Variants in SOX30 observed in about 807,000 individuals in gnomAD.
The protein encoded by SOX30 is SRY-box transcription factor 30, also known as transcription factor SOX-30.
Under a neutral mutation model 58.6 loss-of-function variants are expected in SOX30, and 17 were observed. The ratio of observed to expected loss-of-function variants is 0.29; its 90% CI spans 0.20 to 0.44. The LOEUF is 0.44. SOX30 is among the 20% of genes least tolerant of loss of function. SOX30 has a pLI of 1.00. For synonymous variants in SOX30, 421 were observed against 400.2 expected, an observed-to-expected ratio of 1.05 and a Z score of -0.62; for missense variants, 951 against 965.8, an observed-to-expected ratio of 0.98 and a Z score of 0.20.
Position 157,650,998 on chromosome 5 carries a change from A to T in SOX30, c.967+114T>A, listed in dbSNP as rs1463261676. On this transcript the variant is annotated intron_variant, in intron 1 of 4. Coordinates refer to ENST00000265007, the MANE Select transcript of SOX30 (RefSeq NM_178424.2). The stretch of plus-strand genomic sequence containing the variant: ...ATACCTGTGCAGACTCTGCCCTGAA[A>T]ACAATCAGTTCCATTACTTTACTTT... 41 of 801,538 alleles carry T rather than the reference A, an allele frequency of 5.1e-5. No homozygotes were observed. In the East Asian group the frequency reaches 1.0e-3, roughly 20 times the overall value. The allele number at this position is 801,538 out of a possible 1,614,324, so 49.7% of individuals were successfully genotyped here.
rs747207842 is a variant in SOX30, at chr5:157,651,683, C to T, written c.396G>A (p.Ala132=). Residue 132 remains alanine, a synonymous_variant, in exon 1 of 5, where the codon GCG becomes GCA. Coordinates refer to ENST00000265007, the MANE Select transcript of SOX30 (RefSeq NM_178424.2). The part of the protein sequence containing the change: ...RPELHPVQPL[A]LHVKAKKQKL... ...TCTGCTTCTTGGCCTTGACATGCAG[C>T]GCCAGGGGCTGCACCGGGTGCAACT... 1.9e-6 allele frequency: 3 copies of T among 1,604,612 alleles called. 1 individual carries two copies. The highest frequency in any genetic ancestry group is 2.5e-6 in the Non-Finnish European group (3 of 1,176,590).
intron 2 of SOX30, among the ~76,000 whole-genome samples, chr5:157,665,600 A>G (rs1561591400): frequency 6.7e-6 from 1 of 149,008 alleles, no homozygotes; most frequent in Admixed American, 6.7e-5. Context: ...AAGTATAATA[A>G]AAAATAAAAT....
chr5:157,668,844 G>A (rs1468562934), intron 1 of SOX30, among the ~76,000 whole-genome samples: 1 of 152,202 alleles, frequency 6.6e-6, no homozygotes, highest in East Asian at 1.9e-4. Flanking sequence ...ATGGGTGACT[G>A]AGCCTGGGAG....
At chr5:157,658,529 A>G (rs898261644) in intron 2 of SOX30, among the ~76,000 whole-genome samples, 1 of 152,202 alleles carries the variant, frequency 6.6e-6, no homozygotes, top group Non-Finnish European at 1.5e-5. Context: ...AATCTTCCAG[A>G]TATCACCTTT....
At chr5:157,668,739 T>C (rs1759714438) in intron 1 of SOX30, among the ~76,000 whole-genome samples, 1 of 152,244 alleles carries the variant, frequency 6.6e-6, no homozygotes, top group South Asian at 2.1e-4. Context: ...TGGTTCACTC[T>C]GATCTTGGGC....
At chr5:157,652,445 G>T, upstream of SOX30, 1 of 987,524 alleles carries the variant, frequency 1.0e-6, no homozygotes, top group Non-Finnish European at 1.2e-6. Flanking sequence ...CAATGGCGTT[G>T]CCCAGGAAAC....
rs1758665130 is a variant in SOX30, at chr5:157,626,694, A to G, written c.1908T>C (p.Phe636=). The stretch of plus-strand genomic sequence containing the variant: ...TTGAACTCGGAAAATTTCCATAGCC[A>G]AAGGGAGGCCGACTGTAAGGGCATG... ...SSTCPYSRPP[F]GYGNFPSSMP... Residue 636 remains phenylalanine (F), a synonymous_variant, in exon 5 of 5, where the codon TTT becomes TTC. Coordinates refer to ENST00000265007, the MANE Select transcript of SOX30 (RefSeq NM_178424.2). 1 of 1,611,406 alleles carries G rather than the reference A, an allele frequency of 6.2e-7. No individual in the cohort carries two copies. Among genetic ancestry groups the G allele is most frequent in the African/African-American group, 1.3e-5 (1 of 74,766 alleles).
At chr5:157,627,993 C>CAA (rs1169422272) in intron 4 of SOX30, among the ~76,000 whole-genome samples, 1 of 108,872 alleles carries the variant, frequency 9.2e-6, no homozygotes, top group Non-Finnish European at 1.9e-5. Context: ...GACTCCATCT[C>CAA]AAAAAAAAAA....
At chr5:157,637,627 T>C (rs1158110172) in intron 4 of SOX30, among the ~76,000 whole-genome samples, 1 of 152,204 alleles carries the variant, frequency 6.6e-6, no homozygotes, top group African/African-American at 2.4e-5. Flanking sequence ...TACACCTCAA[T>C]ACATTTGACT....
rs1561581219 is a variant in SOX30, at chr5:157,638,554, G to A, written c.1556C>T (p.Thr519Ile). The A allele has an allele frequency of 6.2e-7, 1 of 1,614,186 alleles. No individual in the cohort carries two copies. The highest frequency in any genetic ancestry group is 1.7e-5 in the Admixed American group (1 of 60,022). The change falls in exon 4 of 5, where the codon ACA (threonine) becomes ATA (isoleucine). Residue 519 changes from threonine (T) to isoleucine (I), a missense_variant. Physicochemically the swap from Thr to Ile is moderately conservative, Grantham distance 89. Transcript: ENST00000265007. ...TTCAGAATGCAGCTGATGAGTGTCTGTTTGGGAAGGCCCAGTAAAGCGTTG... is the reference window on the plus strand; with the variant it reads ...TTCAGAATGCAGCTGATGAGTGTCTATTTGGGAAGGCCCAGTAAAGCGTTG... ...PPQRFTGPSQ[T>I]DTHQLHSEAT...
At chr5:157,639,836 T>G (rs1346574566) in intron 3 of SOX30, among the ~76,000 whole-genome samples, 1 of 152,250 alleles carries the variant, frequency 6.6e-6, no homozygotes, top group African/African-American at 2.4e-5. Flanking sequence ...AATGTGGATC[T>G]TTTCCCAGCC....
At chr5:157,670,478 AATG>A (rs1359864422) in intron 1 of SOX30, among the ~76,000 whole-genome samples, 16 of 152,314 alleles carry the variant, frequency 1.1e-4, no homozygotes, top group Non-Finnish European at 1.0e-4. Context: ...GCCCTCTAAA[AATG>A]ATAACTATTT....
intron 4 of SOX30, among the ~76,000 whole-genome samples, chr5:157,636,544 C>T (rs1581391805): frequency 6.6e-6 from 1 of 152,172 alleles, no homozygotes; most frequent in Non-Finnish European, 1.5e-5. Flanking sequence ...AAAGATTCTA[C>T]ATAAAACAAA....
At chr5:157,641,293 T>G (rs1461664893) in intron 3 of SOX30, among the ~76,000 whole-genome samples, 1 of 150,134 alleles carries the variant, frequency 6.7e-6, no homozygotes, top group Non-Finnish European at 1.5e-5. Context: ...AGTGACAGAG[T>G]AAATAATGCA....
intron 2 of SOX30, among the ~76,000 whole-genome samples, chr5:157,664,068 T>C (rs1279301983): frequency 5.3e-5 from 7 of 133,032 alleles, no homozygotes; most frequent in Admixed American, 7.3e-5. Context: ...AAGCTACCAA[T>C]GACTTTCTTC....
intron 4 of SOX30, among the ~76,000 whole-genome samples, chr5:157,627,092 G>A (rs536314758): frequency 7.2e-5 from 11 of 152,318 alleles, no homozygotes; most frequent in Non-Finnish European, 1.6e-4. Flanking sequence ...GGTTGGGCGC[G>A]GTGGCTCACG....
At chr5:157,636,217 T>C (rs1431336105) in intron 4 of SOX30, among the ~76,000 whole-genome samples, 1 of 152,184 alleles carries the variant, frequency 6.6e-6, no homozygotes, top group Non-Finnish European at 1.5e-5. Context: ...TGTGAGTAAA[T>C]AGGGTCCAAG....
Position 157,638,293 on chromosome 5 carries a change from G to A in SOX30, c.1817C>T (p.Thr606Ile). ...PLGHPATLFG[T>I]PPRFSFHHPY... The stretch of plus-strand genomic sequence containing the variant: ...GTGATGAAAAGAGAATCTTGGTGGT[G>A]TCCCGAACAGTGTGGCTGGATGGCC... The change falls in exon 4 of 5, where the codon ACA becomes ATA. Residue 606 changes from threonine to isoleucine, a missense_variant. Transcript: ENST00000265007. 1 of 1,598,932 alleles carries A rather than the reference G, an allele frequency of 6.3e-7. No homozygotes were observed. Among genetic ancestry groups the A allele is most frequent in the Non-Finnish European group, 8.5e-7 (1 of 1,171,476 alleles).
chr5:157,656,077 C>G (rs1481531566), upstream of SOX30, among the ~76,000 whole-genome samples: 1 of 152,206 alleles, frequency 6.6e-6, no homozygotes, highest in Non-Finnish European at 1.5e-5. Context: ...GCTGTGCTTT[C>G]TCTTTCACAG....
Sources: allele counts gnomAD v4.1 joint callset (sites outside exome capture counted in the v4.1 genomes callset), GRCh38; gene constraint gnomAD v4.1.1; transcripts MANE v1.5; gene names NCBI Gene and HGNC (gene_info 2026-07-23, HGNC 2026-07-21).